GPR135: variants seen among roughly 807,000 people sequenced by gnomAD.
GPR135 encodes G protein-coupled receptor 135, also known as G-protein coupled receptor 135.
A neutral mutation model predicts 15.0 loss-of-function variants in GPR135; 17 were observed. That is an observed-to-expected ratio of 1.13 (90% CI 0.78 to 1.70). The LOEUF (loss-of-function observed/expected upper bound fraction) is 1.70, where lower values mean the gene tolerates loss of function less well. Ranked by LOEUF, GPR135 falls within the 40% of genes most tolerant of loss-of-function variation. GPR135 has a pLI of 0.00. For missense variants in GPR135, 776 were observed against 727.0 expected, an observed-to-expected ratio of 1.07 and a Z score of -0.78; for synonymous variants, 368 against 349.4, an observed-to-expected ratio of 1.05 and a Z score of -0.59.
At position 59,464,249 on chromosome 14, in the gene GPR135, C is replaced by A. The variant is rs763197319; in HGVS notation, c.978G>T (p.Glu326Asp). 6 of 1,611,998 alleles carry A rather than the reference C, an allele frequency of 3.7e-6. No homozygotes were observed. Among genetic ancestry groups the A allele is most frequent in the African/African-American group, 1.3e-5 (1 of 75,052 alleles). The stretch of plus-strand genomic sequence containing the variant: ...TGAGGACGGTGGTGGCCGTGCGCAC[C>A]TCGCTGAAGAAGCGCAGCACGCGCG... Reference protein sequence around the residue: ...TYARVLRFFSEVRTATTVLIM... With the variant: ...TYARVLRFFSDVRTATTVLIM... The change falls in exon 1 of 1, where the codon GAG (glutamate) becomes GAT (aspartate). Residue 326 changes from glutamate to aspartate, a missense_variant. Transcript: ENST00000395116.
chr14:59,458,186 C>T (rs1488274481), downstream of GPR135, among the ~76,000 whole-genome samples: 1 of 152,162 alleles, frequency 6.6e-6, no homozygotes, highest in East Asian at 1.9e-4. Context: ...TTTAGTAGGG[C>T]TCTGTTTGAC....
At position 59,464,679 on chromosome 14, in the gene GPR135, A is replaced by G. The variant is rs1889046756; in HGVS notation, c.548T>C (p.Phe183Ser). 2 of 1,584,206 alleles carry G rather than the reference A, an allele frequency of 1.3e-6. No individual in the cohort carries two copies. The highest frequency in any genetic ancestry group is 2.7e-5 in the African/African-American group (2 of 74,598). ...PAAAAGPWRG[F>S]CAASRFFSSC... ...GCTGAAGAAGCGGCTGGCGGCGCAG[A>G]AGCCGCGCCAGGGCCCCGCGGCGGC... Residue 183 changes from phenylalanine to serine, a missense_variant, in exon 1 of 1, where the codon TTC (phenylalanine) becomes TCC (serine). By Grantham distance (155) the Phe-to-Ser change is radical. Transcript: ENST00000395116.
chr14:59,465,119 C>G lies in GPR135; in HGVS notation c.108G>C (p.Ala36=). ...TGAAGGAGAGCACGGCCGCCGTGGCCGCGGAGGAAGTCCCGCCAGGTGGGC... is the reference window on the plus strand; with the variant it reads ...TGAAGGAGAGCACGGCCGCCGTGGCGGCGGAGGAAGTCCCGCCAGGTGGGC... The part of the protein sequence containing the change: ...AAGPPGGTSS[A]ATAAVLSFST... Residue 36 remains alanine (A), a synonymous_variant, in exon 1 of 1, where the codon GCG becomes GCC. Transcript: ENST00000395116. 5 of 1,383,624 alleles carry G rather than the reference C, an allele frequency of 3.6e-6. No homozygotes were observed. Among genetic ancestry groups the G allele is most frequent in the Non-Finnish European group, 4.7e-6 (5 of 1,067,540 alleles). 85.7% of individuals were successfully genotyped at this position (1,383,624 alleles called of 1,614,324 possible).
chr14:59,453,631 A>G (rs1888560901), intron 6 of GPR135, among the ~76,000 whole-genome samples: 1 of 152,210 alleles, frequency 6.6e-6, no homozygotes, highest in Admixed American at 6.5e-5. Context: ...TGGGTTTCTC[A>G]GGGAGAACCC....
In GPR135 at chr14:59,464,435, G is replaced by C; in HGVS notation, c.792C>G (p.Tyr264Ter). ...GCTGCGCGGGGTCCGGGGAGGTCCG[G>C]TAGAGGCAGCCGTGGAAGCTCTGCG... ...AAAQSFHGCL[Y>*]RTSPDPAQLG... Residue 264 changes from tyrosine (Y) to a stop codon, truncating the protein, a stop_gained, in exon 1 of 1, where the codon TAC becomes TAG. Transcript: ENST00000395116. LOFTEE classifies it high-confidence loss of function. The C allele has an allele frequency of 6.4e-7, 1 of 1,571,824 alleles. No homozygotes were observed. The highest frequency in any genetic ancestry group is 1.1e-5 in the South Asian group (1 of 87,026).
chr14:59,465,223 C>T lies in GPR135; in HGVS notation c.4G>A (p.Glu2Lys). The change falls in exon 1 of 1, where the codon GAG becomes AAG. Residue 2 changes from glutamate to lysine, a missense_variant. Coordinates refer to ENST00000395116, the MANE Select transcript of GPR135 (RefSeq NM_022571.6). ...GGTGGGCGGGGCGGCTGCGGCTCCT[C>T]CATGGGGCCCAGTGGCGGCCGCGGA... MEEPQPPRPPAS... is the reference protein window; with the variant it reads MKEPQPPRPPAS... The T allele has an allele frequency of 8.0e-7, 1 of 1,242,268 alleles. No individual in the cohort carries two copies. The highest frequency in any genetic ancestry group is 1.0e-6 in the Non-Finnish European group (1 of 994,360). 77.0% of individuals were successfully genotyped at this position (1,242,268 alleles called of 1,614,324 possible). A position where few individuals can be genotyped will look rare whatever the true frequency, so the allele number is the denominator to read the frequency against.
downstream of GPR135, among the ~76,000 whole-genome samples, chr14:59,459,595 T>C (rs1490871883): frequency 6.6e-6 from 1 of 152,244 alleles, no homozygotes; most frequent in Non-Finnish European, 1.5e-5. Context: ...GCTGTCATCT[T>C]AAGTTTTACC....
chr14:59,453,675 A>G (rs1178849919), intron 6 of GPR135, among the ~76,000 whole-genome samples: 2 of 152,192 alleles, frequency 1.3e-5, no homozygotes, highest in Non-Finnish European at 2.9e-5. Context: ...GAAATTAGTG[A>G]TAAGAGGCTG....
In GPR135 at chr14:59,465,078, G is replaced by C. The variant is rs1379767604; in HGVS notation, c.149C>G (p.Ala50Gly). ...TGCGTCGCTCAGGTTCCCCAGCGCC[G>C]CGGTCGCCACGGTGCTGAAGGAGAG... The part of the protein sequence containing the change: ...AVLSFSTVAT[A>G]ALGNLSDASG... Residue 50 changes from alanine (A) to glycine (G), a missense_variant, in exon 1 of 1, where the codon GCG becomes GGG. Physicochemically the swap from Ala to Gly is moderately conservative, Grantham distance 60 (BLOSUM62 0). Coordinates refer to ENST00000395116, the MANE Select transcript of GPR135 (RefSeq NM_022571.6). The C allele has an allele frequency of 7.3e-7, 1 of 1,375,286 alleles. No homozygotes were observed. The highest frequency in any genetic ancestry group is 1.5e-5 in the African/African-American group (1 of 66,498). 85.2% of individuals were successfully genotyped at this position (1,375,286 alleles called of 1,614,324 possible).
downstream of GPR135, among the ~76,000 whole-genome samples, chr14:59,458,653 G>A (rs1414551701): frequency 1.3e-5 from 2 of 152,056 alleles, no homozygotes; most frequent in Non-Finnish European, 2.9e-5. Flanking sequence ...TGCTCCAAAA[G>A]TAGGGCATTG....
At position 59,464,402 on chromosome 14, in the gene GPR135, C is replaced by A; in HGVS notation, c.825G>T (p.Ala275=). ...RTSPDPAQLG[A]AFSVGLVVAC... ...CCACCACCAGCCCCACGCTGAAGGC[C>A]GCGCCCAGCTGCGCGGGGTCCGGGG... Residue 275 remains alanine, a synonymous_variant, in exon 1 of 1, where the codon GCG becomes GCT. Coordinates refer to ENST00000395116, the MANE Select transcript of GPR135 (RefSeq NM_022571.6). 2 of 1,599,062 alleles carry A rather than the reference C, an allele frequency of 1.3e-6. No individual in the cohort carries two copies. The highest frequency in any genetic ancestry group is 1.7e-6 in the Non-Finnish European group (2 of 1,173,940).
chr14:59,460,459 T>C (rs1442602999), downstream of GPR135: 2 of 152,242 alleles, frequency 1.3e-5, no homozygotes, highest in Non-Finnish European at 2.9e-5. Flanking sequence ...TCATTGTCTT[T>C]TTCAAAAGAC....
rs1888912373 is a variant in GPR135, at chr14:59,462,744, CTTG to C, written c.*995_*997del. On this transcript the variant is annotated 3_prime_UTR_variant, in exon 1 of 1. Transcript: ENST00000395116. ...CTAAAAGCCACGTAGGAAACCCAAC[CTTG>C]TTGTTTTATAGAGGTCTCATTTTAA... 1.3e-5 allele frequency: 2 copies of C among 152,088 alleles called. No homozygotes were observed. Among genetic ancestry groups the C allele is most frequent in the African/African-American group, 4.8e-5 (2 of 41,394 alleles). 9.4% of individuals were successfully genotyped at this position (152,088 alleles called of 1,614,324 possible).
At chr14:59,453,331 G>T (rs1006883730) in intron 6 of GPR135, among the ~76,000 whole-genome samples, 1 of 152,088 alleles carries the variant, frequency 6.6e-6, no homozygotes, top group African/African-American at 2.4e-5. Flanking sequence ...TTGTGTTGGG[G>T]CAAAGAATAA....
chr14:59,461,201 T>C lies in GPR135; in HGVS notation c.*2541A>G, dbSNP rs1888844892. 1 of 152,154 alleles carries C rather than the reference T, an allele frequency of 6.6e-6. No individual in the cohort carries two copies. Among genetic ancestry groups the C allele is most frequent in the Non-Finnish European group, 1.5e-5 (1 of 68,018 alleles). The allele number at this position is 152,154 out of a possible 1,614,324, so 9.4% of individuals were successfully genotyped here. ...TATATAAAGTAGGAAACAAAAATGG[T>C]AGATGATGATCACGATGATGATAAT... On this transcript the variant is annotated 3_prime_UTR_variant, in exon 1 of 1. Coordinates refer to ENST00000395116, the MANE Select transcript of GPR135 (RefSeq NM_022571.6).
chr14:59,464,572 C>T lies in GPR135; in HGVS notation c.655G>A (p.Glu219Lys), dbSNP rs1385256705. Residue 219 changes from glutamate to lysine, a missense_variant, in exon 1 of 1, where the codon GAG (glutamate) becomes AAG (lysine). Coordinates refer to ENST00000395116, the MANE Select transcript of GPR135 (RefSeq NM_022571.6). ...RYCAIVRPPR[E>K]KIGRRRALQL... ...AGCGCGCGGCGGCGGCCGATCTTCTCCCGCGGCGGCCGCACGATAGCGCAG... is the reference window on the plus strand; with the variant it reads ...AGCGCGCGGCGGCGGCCGATCTTCTTCCGCGGCGGCCGCACGATAGCGCAG... 6.3e-7 allele frequency: 1 copy of T among 1,576,452 alleles called. No individual in the cohort carries two copies. Among genetic ancestry groups the T allele is most frequent in the Admixed American group, 1.8e-5 (1 of 56,484 alleles).
chr14:59,455,796 C>G (rs941643251), downstream of GPR135: 4 of 152,200 alleles, frequency 2.6e-5, no homozygotes, highest in Non-Finnish European at 5.9e-5. Flanking sequence ...ACAGTCAATA[C>G]CTTTTTTTGT....
In GPR135 at chr14:59,465,286, C is replaced by A; in HGVS notation, c.-60G>T. 1 of 1,163,592 alleles carries A rather than the reference C, an allele frequency of 8.6e-7. No homozygotes were observed. The highest frequency in any genetic ancestry group is 4.3e-5 in the South Asian group (1 of 23,106). The allele number at this position is 1,163,592 out of a possible 1,614,324, so 72.1% of individuals were successfully genotyped here. The stretch of plus-strand genomic sequence containing the variant: ...GCACCGGGGGCGGCGGCCGCTAGGT[C>A]GGAGTGGTGGCTCGGGGCCGGGGGC... On this transcript the variant is annotated 5_prime_UTR_variant, in exon 1 of 1. Transcript: ENST00000395116.
rs370580579 is a variant in GPR135 at position 59,464,110 on chromosome 14, C to T, written c.1117G>A (p.Val373Ile). Residue 373 changes from valine to isoleucine, a missense_variant, in exon 1 of 1, where the codon GTC becomes ATC. Physicochemically the swap from Val to Ile is conservative, Grantham distance 29 (BLOSUM62 3). Coordinates refer to ENST00000395116, the MANE Select transcript of GPR135 (RefSeq NM_022571.6). ...GCCCCATTGGCCCAGGTCAGCCAGACGGCCACCACGCTGAGGAGCGAGGGG... is the reference window on the plus strand; with the variant it reads ...GCCCCATTGGCCCAGGTCAGCCAGATGGCCACCACGCTGAGGAGCGAGGGG... Reference protein sequence around the residue: ...QAPSLLSVVAVWLTWANGAIN... With the variant: ...QAPSLLSVVAIWLTWANGAIN... 9 of 1,611,356 alleles carry T rather than the reference C, an allele frequency of 5.6e-6. No individual in the cohort carries two copies. In the African/African-American group the frequency reaches 8.0e-5, roughly 14 times the overall value.
Sources: allele counts gnomAD v4.1 joint callset (sites outside exome capture counted in the v4.1 genomes callset), GRCh38; gene constraint gnomAD v4.1.1; transcripts MANE v1.5; gene names NCBI Gene and HGNC (gene_info 2026-07-23, HGNC 2026-07-21).